PLCG2: variants seen among roughly 807,000 people sequenced by gnomAD.
PLCG2 encodes the protein phospholipase C gamma 2, also known as 1-phosphatidylinositol 4,5-bisphosphate phosphodiesterase gamma-2.
Under a neutral mutation model 175.6 loss-of-function variants are expected in PLCG2, and 69 were observed. The ratio of observed to expected loss-of-function variants is 0.39; its 90% CI spans 0.32 to 0.48. The LOEUF is 0.48. PLCG2 is among the 20% of genes least tolerant of loss of function. The pLI is 0.91. For synonymous variants in PLCG2, 827 were observed against 624.0 expected, an observed-to-expected ratio of 1.33 and a Z score of -4.85; for missense variants, 1,798 against 1,650.9, an observed-to-expected ratio of 1.09 and a Z score of -1.54.
At chr16:81,953,518 C>G (rs1911450069) in intron 31 of PLCG2, among the ~76,000 whole-genome samples, 1 of 151,996 alleles carries the variant, frequency 6.6e-6, no homozygotes, top group Non-Finnish European at 1.5e-5. Context: ...AGGAGAAAAA[C>G]TAAAGGCAGA....
At chr16:81,782,926 G>A (rs1347657961) in intron 1 of PLCG2, among the ~76,000 whole-genome samples, 1 of 152,202 alleles carries the variant, frequency 6.6e-6, no homozygotes, top group Non-Finnish European at 1.5e-5. Flanking sequence ...TTCCACCCCT[G>A]CTCCTTTAGG....
At chr16:81,834,229 C>G (rs1014453617) in intron 2 of PLCG2, among the ~76,000 whole-genome samples, 2 of 152,184 alleles carry the variant, frequency 1.3e-5, no homozygotes, top group African/African-American at 4.8e-5. Context: ...TTGAGGTCAA[C>G]TCTGACACCT....
intron 2 of PLCG2, among the ~76,000 whole-genome samples, chr16:81,807,395 A>G (rs142778986): frequency 6.6e-6 from 1 of 152,324 alleles, no homozygotes; most frequent in Non-Finnish European, 1.5e-5. Flanking sequence ...TCTGAGATCC[A>G]AGTTGCAAAG....
intron 24 of PLCG2, among the ~76,000 whole-genome samples, chr16:81,929,539 G>A (rs150799909): frequency 0.018 from 2,683 of 152,258 alleles, 75 homozygotes; most frequent in African/African-American, 0.062. Flanking sequence ...GGGACTACAG[G>A]CATGGGCCAC....
At chr16:81,890,892 G>A (rs929938525) in intron 10 of PLCG2, among the ~76,000 whole-genome samples, 1 of 152,230 alleles carries the variant, frequency 6.6e-6, no homozygotes, top group African/African-American at 2.4e-5. Flanking sequence ...GCCGGGTGCA[G>A]TGGCTCACGC....
At chr16:81,767,589 T>C (rs1910181850) in intron 2 of PLCG2, 1 of 152,222 alleles carries the variant, frequency 6.6e-6, no homozygotes, top group Non-Finnish European at 1.5e-5. Context: ...TTTTTTTCTT[T>C]AAAAAATATT....
At position 81,958,231 on chromosome 16, in the gene PLCG2, G is replaced by A. The variant is rs1025856717; in HGVS notation, c.*233G>A. On this transcript the variant is annotated 3_prime_UTR_variant, in exon 33 of 33. Coordinates refer to ENST00000564138, the MANE Select transcript of PLCG2 (RefSeq NM_002661.5). The stretch of plus-strand genomic sequence containing the variant: ...TTCTTTATAGAGGATTCCCCAAAAT[G>A]TGCTCCTCATTTTTGGCCTCTCATG... The A allele has an allele frequency of 5.6e-6, 3 of 532,480 alleles. No individual in the cohort carries two copies. The highest frequency in any genetic ancestry group is 1.0e-5 in the Non-Finnish European group (3 of 294,000). 33.0% of individuals were successfully genotyped at this position (532,480 alleles called of 1,614,324 possible).
At chr16:81,779,244 G>C (rs975468792), upstream of PLCG2, 1 of 151,078 alleles carries the variant, frequency 6.6e-6, no homozygotes, top group East Asian at 1.9e-4. Context: ...TGGGCGGTGC[G>C]GGGGGCGGCC....
At chr16:81,771,444 T>C (rs1450707876) in intron 2 of PLCG2, among the ~76,000 whole-genome samples, 1 of 152,206 alleles carries the variant, frequency 6.6e-6, no homozygotes, top group African/African-American at 2.4e-5. Context: ...TCTCTGGTGC[T>C]GTTGGAGAAC....
chr16:81,957,870 T>C (rs530664309), intron 32 of PLCG2, 86 bp from the exon 33 acceptor site: 2 of 1,202,678 alleles, frequency 1.7e-6, no homozygotes, highest in African/African-American at 1.5e-5. Flanking sequence ...GACTGGCAAA[T>C]GTACAGAAAG....
chr16:81,833,587 T>A (rs929604009), intron 2 of PLCG2, among the ~76,000 whole-genome samples: 1 of 149,338 alleles, frequency 6.7e-6, no homozygotes, highest in African/African-American at 2.5e-5. Context: ...TGGAGTGCGG[T>A]GGTGTGATCA....
chr16:81,943,426 GAGAA>G (rs1435972820), intron 30 of PLCG2, among the ~76,000 whole-genome samples: 2 of 152,242 alleles, frequency 1.3e-5, no homozygotes, highest in East Asian at 3.9e-4. Flanking sequence ...CCCATCTCGT[GAGAA>G]CTCACTATCA....
At chr16:81,828,280 C>T (rs1424113789) in intron 2 of PLCG2, among the ~76,000 whole-genome samples, 1 of 106,262 alleles carries the variant, frequency 9.4e-6, no homozygotes, top group African/African-American at 3.7e-5. Flanking sequence ...GAATCTTGCT[C>T]TGTCACCCAG....
intron 11 of PLCG2, among the ~76,000 whole-genome samples, chr16:81,893,272 A>C (rs1318472404): frequency 1.3e-5 from 2 of 152,210 alleles, no homozygotes; most frequent in Non-Finnish European, 2.9e-5. Context: ...AGCCGATTGC[A>C]CCAACAGTTG....
chr16:81,774,627 GT>G (rs918171631), upstream of PLCG2, among the ~76,000 whole-genome samples: 3 of 152,154 alleles, frequency 2.0e-5, no homozygotes, highest in African/African-American at 7.2e-5. Context: ...GGGTAGAGGG[GT>G]AGGGTTGGCG....
chr16:81,900,721 G>A lies in PLCG2; in HGVS notation c.1303G>A (p.Glu435Lys), dbSNP rs745999784. The change falls in exon 14 of 33, where the codon GAG becomes AAG. Residue 435 changes from glutamate (E) to lysine (K), a missense_variant. Transcript: ENST00000564138. ...FGDLLLTKPT[E>K]ASADQLPSPS... Reference sequence around the variant, plus strand: ...CGACCTGCTGTTGACGAAGCCCACGGAGGCCAGTGCTGACCAGCTGCCCTC... The same window carrying A: ...CGACCTGCTGTTGACGAAGCCCACGAAGGCCAGTGCTGACCAGCTGCCCTC... The A allele has an allele frequency of 1.9e-6, 3 of 1,613,404 alleles. No individual in the cohort carries two copies. Among genetic ancestry groups the A allele is most frequent in the East Asian group, 4.5e-5 (2 of 44,864 alleles).
At chr16:81,907,627 C>G (rs907996359) in intron 15 of PLCG2, 58 bp from the exon 16 acceptor site, 33 of 1,258,466 alleles carry the variant, frequency 2.6e-5, no homozygotes, top group Non-Finnish European at 3.6e-5. Flanking sequence ...GGCTCCTGGG[C>G]TCCACAGTTG....
At chr16:81,787,393 ATTT>A (rs67160306) in intron 2 of PLCG2, among the ~76,000 whole-genome samples, 5 of 94,552 alleles carry the variant, frequency 5.3e-5, no homozygotes, top group Admixed American at 2.5e-4. Flanking sequence ...GGATAATTTA[ATTT>A]TTTTTTTTTT....
upstream of PLCG2, among the ~76,000 whole-genome samples, chr16:81,774,658 G>A (rs547289786): frequency 1.3e-5 from 2 of 152,258 alleles, no homozygotes; most frequent in East Asian, 3.9e-4. Flanking sequence ...GGGGCAGGGC[G>A]GTGGACCTCA....
Sources: allele counts gnomAD v4.1 joint callset (sites outside exome capture counted in the v4.1 genomes callset), GRCh38; gene constraint gnomAD v4.1.1; transcripts MANE v1.5; gene names NCBI Gene and HGNC (gene_info 2026-07-23, HGNC 2026-07-21).